Variants in CCDC30 observed in about 807,000 individuals in gnomAD.
CCDC30 encodes the protein coiled-coil domain-containing protein 30.
Under a neutral mutation model 100.2 loss-of-function variants are expected in CCDC30, and 70 were observed. That is an observed-to-expected ratio of 0.70 (90% CI 0.58 to 0.85). CCDC30 has a LOEUF of 0.85. Among genes scored for constraint, CCDC30 ranks in the 40% least tolerant of loss-of-function variants. The pLI, the probability that CCDC30 is intolerant of heterozygous loss-of-function variation, is 0.00. For missense variants in CCDC30, 652 were observed against 771.2 expected, an observed-to-expected ratio of 0.85 and a Z score of 1.83; for synonymous variants, 233 against 269.5, an observed-to-expected ratio of 0.86 and a Z score of 1.33.
chr1:42,487,788 C>A (rs1204227305), intron 3 of CCDC30, among the ~76,000 whole-genome samples: 1 of 152,158 alleles, frequency 6.6e-6, no homozygotes, highest in East Asian at 1.9e-4. Context: ...GGACTGATTT[C>A]AGCTAACAAG....
intron 6 of CCDC30, among the ~76,000 whole-genome samples, chr1:42,543,693 A>G (rs895599502): frequency 1.3e-5 from 2 of 152,108 alleles, no homozygotes; most frequent in African/African-American, 2.4e-5. Context: ...AAAATGTGCT[A>G]TTTGTAGTCT....
chr1:42,494,063 A>C (rs1013342592), intron 4 of CCDC30, among the ~76,000 whole-genome samples: 3 of 152,214 alleles, frequency 2.0e-5, no homozygotes, highest in African/African-American at 7.2e-5. Flanking sequence ...AAAATACAAA[A>C]AAAGAACAAA....
intron 11 of CCDC30, among the ~76,000 whole-genome samples, chr1:42,636,165 A>T (rs1487865718): frequency 6.6e-6 from 1 of 152,134 alleles, no homozygotes; most frequent in Non-Finnish European, 1.5e-5. Context: ...TATGCCTGTA[A>T]TCCCAGCACT....
At chr1:42,506,655 G>C (rs983869317) in intron 6 of CCDC30, among the ~76,000 whole-genome samples, 54 of 152,140 alleles carry the variant, frequency 3.5e-4, no homozygotes, top group African/African-American at 1.2e-3. Context: ...AAATAATCCT[G>C]TTTACCTCTT....
At chr1:42,637,104 G>T (rs942582268) in intron 11 of CCDC30, 133 bp from the exon 16 acceptor site, 1 of 665,176 alleles carries the variant, frequency 1.5e-6, no homozygotes, top group African/African-American at 1.9e-5. Flanking sequence ...TGTGAGGCAG[G>T]ATAAGTATCC....
intron 6 of CCDC30, among the ~76,000 whole-genome samples, chr1:42,552,986 A>G (rs1645285739): frequency 6.6e-6 from 1 of 152,104 alleles, no homozygotes; most frequent in Admixed American, 6.5e-5. Flanking sequence ...ACACCACCCC[A>G]GTCAGGGAAT....
intron 4 of CCDC30, among the ~76,000 whole-genome samples, chr1:42,492,669 A>T (rs1316249582): frequency 6.6e-6 from 1 of 151,394 alleles, no homozygotes; most frequent in Admixed American, 6.6e-5. Context: ...TTTTTTTGAG[A>T]CGGATTCTCA....
chr1:42,481,576 CAA>C (rs11312516), intron 2 of CCDC30, among the ~76,000 whole-genome samples: 1,383 of 110,566 alleles, frequency 0.013, 22 homozygotes, highest in African/African-American at 0.039. Context: ...AACCCTGTCT[CAA>C]AAAAAAAAAA....
intron 11 of CCDC30, among the ~76,000 whole-genome samples, chr1:42,625,990 C>T (rs987641363): frequency 5.9e-5 from 9 of 152,084 alleles, no homozygotes; most frequent in Non-Finnish European, 1.2e-4. Context: ...ATCTGTCTCT[C>T]TCATTAGCTC....
Position 42,521,370 on chromosome 1 carries a change from G to A in CCDC30, c.456+22454G>A, listed in dbSNP as rs200971921. The A allele has an allele frequency of 3.2e-5, 5 of 154,642 alleles. No homozygotes were observed. In the East Asian group the frequency reaches 7.7e-4, roughly 24 times the overall value. 9.6% of individuals were successfully genotyped at this position (154,642 alleles called of 1,614,324 possible). ...GTTTCTACAAATTGTGAATTTTTCTGTTTTCCTCCTGTTAATTTCTAACTT... is the reference window on the plus strand; with the variant it reads ...GTTTCTACAAATTGTGAATTTTTCTATTTTCCTCCTGTTAATTTCTAACTT... On this transcript the variant is annotated intron_variant, in intron 6 of 16. Coordinates refer to ENST00000668663, the Ensembl canonical transcript of CCDC30.
intron 6 of CCDC30, among the ~76,000 whole-genome samples, chr1:42,554,350 T>C (rs1370789156): frequency 6.6e-6 from 1 of 151,224 alleles, no homozygotes; most frequent in Non-Finnish European, 1.5e-5. Flanking sequence ...CAATTTCTGC[T>C]CACTGCAACT....
intron 4 of CCDC30, among the ~76,000 whole-genome samples, chr1:42,492,670 C>T (rs1261036346): frequency 7.9e-5 from 12 of 151,010 alleles, no homozygotes; most frequent in Non-Finnish European, 1.2e-4. Context: ...TTTTTTGAGA[C>T]GGATTCTCAC....
At position 42,642,618 on chromosome 1, in the gene CCDC30, C is replaced by A; in HGVS notation, c.1556+9C>A. 1 of 1,557,890 alleles carries A rather than the reference C, an allele frequency of 6.4e-7. No homozygotes were observed. The highest frequency in any genetic ancestry group is 8.7e-7 in the Non-Finnish European group (1 of 1,152,718). ...TCTTCCATCCAGAGCAGGTAGGTGC[C>A]ATCCTGCCTGGGAGCCAATAAACTC... On this transcript the variant is annotated intron_variant, in intron 13 of 16. Coordinates refer to ENST00000668663, the Ensembl canonical transcript of CCDC30.
chr1:42,563,568 G>GA (rs1395873186), intron 6 of CCDC30, among the ~76,000 whole-genome samples: 1 of 151,914 alleles, frequency 6.6e-6, no homozygotes, highest in Admixed American at 6.6e-5. Context: ...ATGTATCCTG[G>GA]TTTTTTTTAG....
intron 6 of CCDC30, among the ~76,000 whole-genome samples, chr1:42,524,922 T>A (rs944761823): frequency 1.3e-5 from 2 of 152,354 alleles, no homozygotes; most frequent in African/African-American, 4.8e-5. Context: ...GCCTTCATTT[T>A]TGAAGAATGT....
In CCDC30 at chr1:42,492,857, G is replaced by A. The variant is rs202111899; in HGVS notation, c.241+2628G>A. Among the ~76,000 whole-genome samples the A allele has an allele frequency of 2.7e-4, 41 of 152,124 alleles. No homozygotes were observed. In the East Asian group the frequency reaches 5.6e-3, roughly 21 times the overall value. ...AGATGGGGTTTCACCATGTTGGCCA[G>A]GCTGGTCTTGAACTCCTGACCTTGT... On this transcript the variant is annotated intron_variant, in intron 4 of 16. Coordinates refer to ENST00000668663, the Ensembl canonical transcript of CCDC30.
chr1:42,483,090 T>G, intron 3 of CCDC30: 4 of 253,380 alleles, frequency 1.6e-5, no homozygotes, highest in East Asian at 7.0e-5. Flanking sequence ...TTTCTATCTC[T>G]ACATCCTTCC....
chr1:42,471,996 A>G (rs1443583923), intron 1 of CCDC30, among the ~76,000 whole-genome samples: 2 of 152,220 alleles, frequency 1.3e-5, no homozygotes, highest in Non-Finnish European at 2.9e-5. Flanking sequence ...GTATTTGATT[A>G]GAACAGCAAG....
chr1:42,643,787 G>A (rs1647647120), intron 13 of CCDC30, among the ~76,000 whole-genome samples: 1 of 152,176 alleles, frequency 6.6e-6, no homozygotes, highest in Admixed American at 6.5e-5. Flanking sequence ...TGTGTGGGTA[G>A]GTTACATTGC....
Sources: allele counts gnomAD v4.1 joint callset (sites outside exome capture counted in the v4.1 genomes callset), GRCh38; gene constraint gnomAD v4.1.1; transcripts MANE v1.5; gene names NCBI Gene and HGNC (gene_info 2026-07-23, HGNC 2026-07-21).